KCNC4: variants seen among roughly 807,000 people sequenced by gnomAD.
KCNC4 encodes potassium voltage-gated channel subfamily C member 4.
Under a neutral mutation model 42.8 loss-of-function variants are expected in KCNC4, and 23 were observed. The ratio of observed to expected loss-of-function variants is 0.54; its 90% confidence interval spans 0.39 to 0.76. The LOEUF is 0.76. Ranked by LOEUF, KCNC4 falls within the 30% of genes least tolerant of loss-of-function variation. The probability of loss-of-function intolerance (pLI) is 0.00; values close to 1 mark genes in which losing one functional copy is unlikely to be tolerated. For synonymous variants in KCNC4, 422 were observed against 393.5 expected, an observed-to-expected ratio of 1.07 and a Z score of -0.86; for missense variants, 751 against 898.2, an observed-to-expected ratio of 0.84 and a Z score of 2.10.
In KCNC4 at chr1:110,223,435, C is replaced by T. The variant is rs1404976119; in HGVS notation, c.1150C>T (p.Leu384Phe). 4 of 1,614,008 alleles carry T rather than the reference C, an allele frequency of 2.5e-6. No homozygotes were observed. Among genetic ancestry groups the T allele is most frequent in the Non-Finnish European group, 3.4e-6 (4 of 1,180,036 alleles). Residue 384 changes from leucine (L) to phenylalanine (F), a missense_variant, in exon 2 of 4, where the codon CTT becomes TTT. Transcript: ENST00000438661. The surrounding 1 kb of genome is among the most constrained non-coding windows in gnomAD (Gnocchi z 7.5). Reference protein sequence around the residue: ...LRASTNEFLLLIIFLALGVLI... With the variant: ...LRASTNEFLLFIIFLALGVLI... ...GGCCAGCACCAATGAGTTCCTGCTG[C>T]TTATCATCTTCCTGGCCCTGGGTGT...
Position 110,268,016 on chromosome 1 carries a change from AC to A in KCNC4, n.31-14513del, listed in dbSNP as rs140990864. Among the ~76,000 whole-genome samples, 863 of 152,216 alleles carry A rather than the reference AC, an allele frequency of 5.7e-3. 8 individuals are homozygous for A. Among genetic ancestry groups the A allele is most frequent in the African/African-American group, 0.019 (781 of 41,534 alleles). ...CATGCTTTTCTAGAAGTTTTTTACT[AC>A]CCCCGAGTCATGTAAGCAGGGGTCA... On this transcript the variant is annotated intron_variant and non_coding_transcript_variant, in intron 1 of 2. Transcript: ENST00000412512.
chr1:110,282,055 G>A (rs529941299), intron 1 of KCNC4, among the ~76,000 whole-genome samples: 2 of 152,330 alleles, frequency 1.3e-5, no homozygotes, highest in South Asian at 2.1e-4. Context: ...ACCAGTCCAG[G>A]AGACAGGGCA....
At chr1:110,278,001 G>T (rs3849181) in intron 1 of KCNC4, among the ~76,000 whole-genome samples, 44,104 of 152,006 alleles carry the variant, frequency 0.29, 6,843 homozygotes, top group Admixed American at 0.43. Context: ...ACAAAAAATA[G>T]CCGGGTGTAG....
At chr1:110,230,856 C>T (rs1207931001) in intron 3 of KCNC4, among the ~76,000 whole-genome samples, 1 of 152,236 alleles carries the variant, frequency 6.6e-6, no homozygotes, top group Non-Finnish European at 1.5e-5. Flanking sequence ...TGCAGAACCC[C>T]TGCATACCAG....
chr1:110,212,265 C>T, intron 1 of KCNC4, 88 bp downstream of exon 1: 1 of 1,293,132 alleles, frequency 7.7e-7, no homozygotes, highest in Non-Finnish European at 9.9e-7. Context: ...GAGCAGGGAC[C>T]GAGCCTGACT....
chr1:110,250,215 C>A (rs1232106121), downstream of KCNC4, among the ~76,000 whole-genome samples: 2 of 152,086 alleles, frequency 1.3e-5, no homozygotes, highest in African/African-American at 2.4e-5. Flanking sequence ...CTAATGCCTA[C>A]TTAGCTCAAC....
exon 4 of KCNC4, chr1:110,239,289 C>T (rs1658978099): frequency 1.3e-5 from 2 of 152,592 alleles, no homozygotes; most frequent in Admixed American, 1.3e-4. Flanking sequence ...CCCCAGCTCT[C>T]TCACCTTCAG....
At chr1:110,269,824 A>G (rs1435359656) in intron 1 of KCNC4, among the ~76,000 whole-genome samples, 1 of 152,106 alleles carries the variant, frequency 6.6e-6, no homozygotes, top group Non-Finnish European at 1.5e-5. Flanking sequence ...TGACAGATCC[A>G]GTTATTTTGC....
chr1:110,225,969 C>T lies in KCNC4; in HGVS notation c.1616-6C>T, dbSNP rs776167446. On this transcript the variant is annotated splice_polypyrimidine_tract_variant and splice_region_variant and intron_variant, in intron 2 of 3. Transcript: ENST00000438661. ...ATGCAGCCTCCTTTCTGTGTGCCCC[C>T]TTCAGACTCTAAGCAGAATGGCGAT... 5 of 1,577,624 alleles carry T rather than the reference C, an allele frequency of 3.2e-6. No individual in the cohort carries two copies. The highest frequency in any genetic ancestry group is 1.7e-5 in the Admixed American group (1 of 57,596).
intron 3 of KCNC4, chr1:110,226,425 T>G: frequency 3.7e-6 from 2 of 543,090 alleles, no homozygotes; most frequent in African/African-American, 1.9e-5. Flanking sequence ...CGCTAGAGGG[T>G]AAAGGGTGCA....
intron 1 of KCNC4, among the ~76,000 whole-genome samples, chr1:110,276,962 C>T (rs1659737865): frequency 6.6e-6 from 1 of 152,186 alleles, no homozygotes; most frequent in African/African-American, 2.4e-5. Flanking sequence ...TATACCAATA[C>T]CACCCACACA....
At chr1:110,220,943 G>A (rs568402106) in intron 1 of KCNC4, 1 of 152,338 alleles carries the variant, frequency 6.6e-6, no homozygotes, top group African/African-American at 2.4e-5. Flanking sequence ...AAGTGTGTCT[G>A]TGTAATTGTT....
intron 1 of KCNC4, chr1:110,219,740 G>GGGATACACAGT (rs1202463428): frequency 3.3e-5 from 5 of 152,200 alleles, no homozygotes; most frequent in African/African-American, 9.7e-5. Context: ...CCTGCCCACA[G>GGGATACACAGT]GGATACACAG....
At position 110,258,307 on chromosome 1, in the gene KCNC4, G is replaced by A. The variant is rs1230038833; in HGVS notation, n.31-24227G>A. On this transcript the variant is annotated intron_variant and non_coding_transcript_variant, in intron 1 of 2. Transcript: ENST00000412512. ...GGCTGGAGTACAGTGGCGTGATCTCGGCTCACTGCAACCTCCGCCTCCTGG... is the reference window on the plus strand; with the variant it reads ...GGCTGGAGTACAGTGGCGTGATCTCAGCTCACTGCAACCTCCGCCTCCTGG... 3.3e-5 allele frequency among the ~76,000 whole-genome samples: 5 copies of A among 152,120 alleles called. No homozygotes were observed. In the South Asian group the frequency reaches 6.2e-4, roughly 19 times the overall value.
intron 1 of KCNC4, chr1:110,222,410 C>G (rs567937692): frequency 6.4e-6 from 1 of 155,098 alleles, no homozygotes; most frequent in Admixed American, 6.3e-5. Context: ...ATTTCTCACT[C>G]AGTAGCTTTA....
At chr1:110,260,773 A>G (rs1355740133) in intron 1 of KCNC4, among the ~76,000 whole-genome samples, 1 of 152,232 alleles carries the variant, frequency 6.6e-6, no homozygotes, top group Non-Finnish European at 1.5e-5. Context: ...TACTAAAAAT[A>G]CAAAAAATTA....
chr1:110,214,392 C>T (rs1006847475), intron 1 of KCNC4, among the ~76,000 whole-genome samples: 1 of 152,196 alleles, frequency 6.6e-6, no homozygotes, highest in Non-Finnish European at 1.5e-5. Flanking sequence ...TAAAAGAGGA[C>T]TTGCCTCCTG....
At chr1:110,262,024 C>G (rs572585906) in intron 1 of KCNC4, among the ~76,000 whole-genome samples, 2 of 152,268 alleles carry the variant, frequency 1.3e-5, no homozygotes, top group East Asian at 3.9e-4. Context: ...TTGCCCAAAG[C>G]ACTGTTTTGT....
chr1:110,232,668 C>T (rs894115661), intron 3 of KCNC4: 5 of 1,464,916 alleles, frequency 3.4e-6, no homozygotes, highest in Non-Finnish European at 3.6e-6. Context: ...GGGTTCACCC[C>T]ATTCCCTGAC....
Sources: allele counts gnomAD v4.1 joint callset (sites outside exome capture counted in the v4.1 genomes callset), GRCh38; gene constraint gnomAD v4.1.1; non-coding constraint Gnocchi (gnomAD v3.1); transcripts MANE v1.5; gene names NCBI Gene and HGNC (gene_info 2026-07-23, HGNC 2026-07-21).